CA5B: variants seen among roughly 807,000 people sequenced by gnomAD.
The protein encoded by CA5B is carbonic anhydrase 5B.
In CA5B, 15 loss-of-function variants were observed where a neutral mutation model predicts 23.1. The observed-to-expected ratio is 0.65, with a 90% CI of 0.43 to 1.00. CA5B has a LOEUF of 1.00. Among genes scored for constraint, CA5B ranks in the 50% least tolerant of loss-of-function variants. The pLI, the probability that CA5B is intolerant of heterozygous loss-of-function variation, is 0.00. For synonymous variants in CA5B, 84 were observed against 98.5 expected (o/e 0.85, Z 0.87); for missense variants, 236 against 252.2 (o/e 0.94, Z 0.43).
chrX:15,742,671 G>A (rs776211230), intron 1 of CA5B, among the ~76,000 whole-genome samples: 1 of 112,643 alleles, frequency 8.9e-6, no homozygotes, highest in Non-Finnish European at 1.9e-5. Flanking sequence ...GAGGCAACAC[G>A]CCCAGCCTGA....
chrX:15,744,599 C>A (rs1212695669), intron 1 of CA5B, among the ~76,000 whole-genome samples: 2 of 111,995 alleles, frequency 1.8e-5, no homozygotes, highest in African/African-American at 6.5e-5. Context: ...CCCACATCCC[C>A]CTGATACTGG....
At chrX:15,753,078 C>A (rs1267869671) in intron 2 of CA5B, among the ~76,000 whole-genome samples, 2 of 111,824 alleles carry the variant, frequency 1.8e-5, no homozygotes, top group Non-Finnish European at 3.8e-5. Flanking sequence ...ATGTCTCGTG[C>A]CTCTCTAAAA....
At chrX:15,761,721 CG>C (rs199792369) in intron 2 of CA5B, among the ~76,000 whole-genome samples, 1 of 110,838 alleles carries the variant, frequency 9.0e-6, no homozygotes, top group Non-Finnish European at 1.9e-5. Flanking sequence ...TTTGTCTTGT[CG>C]GGGGGAGCCC....
intron 3 of CA5B, chrX:15,765,048 A>G (rs746582876): frequency 3.6e-6 from 1 of 281,507 alleles, no homozygotes; most frequent in African/African-American, 2.7e-5. Flanking sequence ...TAGGTGTGCA[A>G]TGGAAGTTTT....
rs1172458116 is a variant in CA5B at position 15,775,288 on chromosome X, T to C, written c.598T>C (p.Leu200=). The C allele has an allele frequency of 8.3e-7, 1 of 1,198,830 alleles. No individual in the cohort carries two copies. Among genetic ancestry groups the C allele is most frequent in the Non-Finnish European group, 1.1e-6 (1 of 887,511 alleles). ...GGAGCTACAGAAATTAGTGGATACT[T>C]TGCCGTCAATTAAGCATAAGGTACT... ...HKELQKLVDT[L]PSIKHKDALV... is the part of the protein sequence containing the mutation. Residue 200 remains leucine, a synonymous_variant, in exon 6 of 8, where the codon TTG becomes CTG. Coordinates refer to ENST00000318636, the MANE Select transcript of CA5B (RefSeq NM_007220.4).
Position 15,758,878 on chromosome X carries a change from C to T in CA5B, c.143-5700C>T, listed in dbSNP as rs1056886494. ...CCCAGTGATGCTCCTCATCTTATTC[C>T]ATCCACAAGTATTAACCGAAAGCCA... On this transcript the variant is annotated intron_variant, in intron 2 of 7. Transcript: ENST00000318636. Among the ~76,000 whole-genome samples the T allele has an allele frequency of 5.4e-5, 6 of 111,813 alleles. No individual in the cohort carries two copies. The South Asian group carries it at 1.1e-3, about 21-fold the overall frequency.
chrX:15,738,872 GACTC>G (rs761595122), intron 1 of CA5B, among the ~76,000 whole-genome samples: 10 of 111,587 alleles, frequency 9.0e-5, no homozygotes, highest in South Asian at 3.8e-4. Flanking sequence ...GCTGTGGAGA[GACTC>G]ACAGCCACTC....
intron 1 of CA5B, among the ~76,000 whole-genome samples, chrX:15,748,168 C>T (rs1429518640): frequency 8.9e-6 from 1 of 112,126 alleles, no homozygotes; most frequent in Non-Finnish European, 1.9e-5. Context: ...CCTTACTGTA[C>T]ACTTAGCTGG....
chrX:15,754,008 G>A (rs906061407), intron 2 of CA5B, among the ~76,000 whole-genome samples: 2 of 112,468 alleles, frequency 1.8e-5, no homozygotes, highest in Non-Finnish European at 3.8e-5. Flanking sequence ...GTTGGAGGTA[G>A]GTATTGTATT....
At chrX:15,757,207 C>G (rs549575696) in intron 2 of CA5B, among the ~76,000 whole-genome samples, 1 of 107,132 alleles carries the variant, frequency 9.3e-6, no homozygotes, top group Non-Finnish European at 1.9e-5. Flanking sequence ...AACCCCATCT[C>G]TACTAAAAAT....
At chrX:15,766,630 T>G (rs1931715563) in intron 3 of CA5B, among the ~76,000 whole-genome samples, 1 of 112,079 alleles carries the variant, frequency 8.9e-6, no homozygotes, top group Admixed American at 9.5e-5. Context: ...AGTAACTTAC[T>G]ATACAAGTAA....
Position 15,762,075 on chromosome X carries a change from C to T in CA5B, c.143-2503C>T, listed in dbSNP as rs149008505. ...TTGAGGCCAGGAGTTCAAGCCCATCCGGGCCAACACAGCGAAACCCCATCT... is the reference window on the plus strand; with the variant it reads ...TTGAGGCCAGGAGTTCAAGCCCATCTGGGCCAACACAGCGAAACCCCATCT... On this transcript the variant is annotated intron_variant, in intron 2 of 7. Coordinates refer to ENST00000318636, the MANE Select transcript of CA5B (RefSeq NM_007220.4). Among the ~76,000 whole-genome samples, 330 of 110,966 alleles carry T rather than the reference C, an allele frequency of 3.0e-3. 1 individual carries two copies. Among genetic ancestry groups the T allele is most frequent in the African/African-American group, 9.2e-3 (282 of 30,524 alleles).
chrX:15,745,168 CAA>C (rs371053756), intron 1 of CA5B, among the ~76,000 whole-genome samples: 21 of 34,324 alleles, frequency 6.1e-4, no homozygotes, highest in African/African-American at 2.2e-3. Flanking sequence ...GACTCTGTCT[CAA>C]AAAAAAAAAA....
At chrX:15,781,122 C>T (rs771245778) in intron 7 of CA5B, among the ~76,000 whole-genome samples, 55 of 110,653 alleles carry the variant, frequency 5.0e-4, no homozygotes, top group Middle Eastern at 4.6e-3. Context: ...GGATTACAGG[C>T]ATGAGCCACC....
In CA5B at chrX:15,774,806, C is replaced by T. The variant is rs771113679; in HGVS notation, c.555+409C>T. On this transcript the variant is annotated intron_variant, in intron 5 of 7. Transcript: ENST00000318636. ...TAAGCCAAGATTGTGCCACTGCACT[C>T]CAGCCTGGGCAACAGAGCGAGACTC... Among the ~76,000 whole-genome samples, 5 of 111,459 alleles carry T rather than the reference C, an allele frequency of 4.5e-5. No individual in the cohort carries two copies. The East Asian group carries it at 1.4e-3, about 31-fold the overall frequency.
At chrX:15,764,976 A>G (rs189234246) in intron 3 of CA5B, 329 of 500,230 alleles carry the variant, frequency 6.6e-4, no homozygotes, top group Middle Eastern at 1.3e-3. Context: ...TATAGGTAGT[A>G]TTTTTAATTA....
intron 2 of CA5B, among the ~76,000 whole-genome samples, chrX:15,758,540 T>A (rs1931539835): frequency 9.0e-6 from 1 of 111,513 alleles, no homozygotes; most frequent in Non-Finnish European, 1.9e-5. Flanking sequence ...AGGGTCTTGC[T>A]CTCTTGCCCA....
At chrX:15,778,078 A>G (rs747655886) in intron 7 of CA5B, among the ~76,000 whole-genome samples, 2 of 112,107 alleles carry the variant, frequency 1.8e-5, no homozygotes, top group East Asian at 5.6e-4. Flanking sequence ...GCTAAAAGAT[A>G]TGATATAAAG....
intron 1 of CA5B, among the ~76,000 whole-genome samples, chrX:15,742,389 C>G (rs1235425491): frequency 8.9e-6 from 1 of 111,756 alleles, no homozygotes; most frequent in Non-Finnish European, 1.9e-5. Flanking sequence ...TTTTTTGAGA[C>G]GGAGTCTCGC....
Sources: allele counts gnomAD v4.1 joint callset (sites outside exome capture counted in the v4.1 genomes callset), GRCh38; gene constraint gnomAD v4.1.1; transcripts MANE v1.5; gene names NCBI Gene and HGNC (gene_info 2026-07-23, HGNC 2026-07-21).